Variants in SHROOM3 observed in about 807,000 individuals in gnomAD.
The protein encoded by SHROOM3 is shroom family member 3.
Under a neutral mutation model 138.6 loss-of-function variants are expected in SHROOM3, and 47 were observed. The ratio of observed to expected loss-of-function variants is 0.34; its 90% CI spans 0.27 to 0.43. The LOEUF is 0.43. Among genes scored for constraint, SHROOM3 ranks in the 20% least tolerant of loss-of-function variants. SHROOM3 has a pLI of 1.00. For synonymous variants in SHROOM3, 1,062 were observed against 1,063.3 expected (o/e 1.00, Z 0.02); for missense variants, 2,491 against 2,596.5 (o/e 0.96, Z 0.88).
At chr4:76,473,512 G>A (rs977603293) in intron 1 of SHROOM3, among the ~76,000 whole-genome samples, 4 of 152,048 alleles carry the variant, frequency 2.6e-5, no homozygotes, top group Non-Finnish European at 5.9e-5. Context: ...TGGAAGCTGA[G>A]GTGAGAGGAT....
rs35837765 is a variant in SHROOM3 at position 76,493,224 on chromosome 4, CAA to C, written c.168+57027_168+57028del. ...CAGCAACAGGAGTGAAACTCCATCT[CAA>C]AAAAAAAAAAAAAAAAAAAAAATGC... On this transcript the variant is annotated intron_variant, in intron 1 of 10. Coordinates refer to ENST00000296043, the MANE Select transcript of SHROOM3 (RefSeq NM_020859.4). 6.1e-3 allele frequency among the ~76,000 whole-genome samples: 344 copies of C among 56,482 alleles called. 2 individuals are homozygous for C. The highest frequency in any genetic ancestry group is 0.019 in the African/African-American group (323 of 17,246). The allele number at this position is 56,482 out of a possible 152,430, so 37.1% of individuals were successfully genotyped here. A position where few individuals can be genotyped will look rare whatever the true frequency, so the allele number is the denominator to read the frequency against.
intron 5 of SHROOM3, among the ~76,000 whole-genome samples, chr4:76,747,036 T>C (rs1275250533): frequency 6.6e-6 from 1 of 152,034 alleles, no homozygotes; most frequent in African/African-American, 2.4e-5. Context: ...GCCAGGATGA[T>C]CTCGATCTCC....
At chr4:76,483,681 GAC>G (rs1189791832) in intron 1 of SHROOM3, among the ~76,000 whole-genome samples, 3 of 152,070 alleles carry the variant, frequency 2.0e-5, no homozygotes, top group African/African-American at 7.2e-5. Flanking sequence ...ATTCTATAAA[GAC>G]ACACGCACAC....
intron 10 of SHROOM3, among the ~76,000 whole-genome samples, chr4:76,773,304 G>A (rs1007570618): frequency 6.7e-6 from 1 of 150,252 alleles, no homozygotes; most frequent in Non-Finnish European, 1.5e-5. Context: ...AACCCGGGAA[G>A]CGGAGGTTGC....
chr4:76,748,061 T>A (rs1219160712), intron 5 of SHROOM3, among the ~76,000 whole-genome samples: 1 of 152,206 alleles, frequency 6.6e-6, no homozygotes, highest in Non-Finnish European at 1.5e-5. Context: ...TAGCAGAGTG[T>A]CTGGCACACA....
intron 1 of SHROOM3, among the ~76,000 whole-genome samples, chr4:76,447,836 G>A (rs1479231044): frequency 6.6e-6 from 1 of 152,066 alleles, no homozygotes; most frequent in East Asian, 1.9e-4. Flanking sequence ...TCCCTTGAAA[G>A]CATTACTATC....
chr4:76,695,533 C>T (rs181473772), intron 2 of SHROOM3, among the ~76,000 whole-genome samples: 1 of 152,332 alleles, frequency 6.6e-6, no homozygotes, highest in Non-Finnish European at 1.5e-5. Flanking sequence ...CTCCCAGATT[C>T]TGGAGAACCT....
In SHROOM3 at chr4:76,555,659, G is replaced by T. The variant is rs1166450098; in HGVS notation, c.219G>T (p.Gly73=). The T allele has an allele frequency of 1.2e-6, 2 of 1,613,982 alleles. No individual in the cohort carries two copies. The highest frequency in any genetic ancestry group is 2.7e-5 in the African/African-American group (2 of 74,930). ...ADTLSSKLQA[G]DEVVHINEVT... ...CCCTGAGCTCCAAACTGCAGGCTGG[G>T]GATGAGGTTGTGCACATCAATGAGG... Residue 73 remains glycine, a synonymous_variant, in exon 2 of 11, where the codon GGG becomes GGT. Transcript: ENST00000296043.
intron 2 of SHROOM3, among the ~76,000 whole-genome samples, chr4:76,653,767 T>C (rs890900273): frequency 6.6e-6 from 1 of 152,022 alleles, no homozygotes; most frequent in East Asian, 1.9e-4. Context: ...GGTTTTTCCA[T>C]GTTGCACAGG....
chr4:76,596,592 A>ACACG (rs895903376), intron 2 of SHROOM3, among the ~76,000 whole-genome samples: 16 of 147,484 alleles, frequency 1.1e-4, no homozygotes, highest in Admixed American at 8.7e-4. Flanking sequence ...ACACACACAC[A>ACACG]CACACACACA....
At chr4:76,506,797 T>G (rs1209372779) in intron 1 of SHROOM3, among the ~76,000 whole-genome samples, 2 of 152,306 alleles carry the variant, frequency 1.3e-5, no homozygotes, top group African/African-American at 4.8e-5. Flanking sequence ...TTTATGGATC[T>G]TCTTCATTTT....
Position 76,665,577 on chromosome 4 carries a change from A to G in SHROOM3, c.324-44579A>G, listed in dbSNP as rs369238615. ...TTGGCTGCTTTTTGTCACATCTACAATAATTAAAATGGTGTTTTGTGATGT... is the reference window on the plus strand; with the variant it reads ...TTGGCTGCTTTTTGTCACATCTACAGTAATTAAAATGGTGTTTTGTGATGT... On this transcript the variant is annotated intron_variant, in intron 2 of 10. Coordinates refer to ENST00000296043, the MANE Select transcript of SHROOM3 (RefSeq NM_020859.4). Among the ~76,000 whole-genome samples, 7 of 152,304 alleles carry G rather than the reference A, an allele frequency of 4.6e-5. No individual in the cohort carries two copies. The East Asian group carries it at 5.8e-4, about 13-fold the overall frequency.
Position 76,479,180 on chromosome 4 carries a change from C to G in SHROOM3, c.168+42960C>G, listed in dbSNP as rs138149768. 3.8e-3 allele frequency among the ~76,000 whole-genome samples: 571 copies of G among 151,990 alleles called. 4 individuals are homozygous for G. Among genetic ancestry groups the G allele is most frequent in the African/African-American group, 0.013 (549 of 41,480 alleles). On this transcript the variant is annotated intron_variant, in intron 1 of 10. Coordinates refer to ENST00000296043, the MANE Select transcript of SHROOM3 (RefSeq NM_020859.4). ...TACAGAAGGTATGTAATAAACTCCT[C>G]TGAGCTAAAGGAGCATGTCCTAACC...
chr4:76,471,771 A>G (rs79988748), intron 1 of SHROOM3, among the ~76,000 whole-genome samples: 1 of 152,240 alleles, frequency 6.6e-6, no homozygotes, highest in Non-Finnish European at 1.5e-5. Flanking sequence ...CCAGGCTCTG[A>G]ACATCTGAAG....
chr4:76,775,750 TACAC>T (rs1051632280), intron 10 of SHROOM3, among the ~76,000 whole-genome samples: 28 of 151,308 alleles, frequency 1.9e-4, no homozygotes, highest in African/African-American at 6.3e-4. Context: ...ACTATATATA[TACAC>T]ACACCATATA....
chr4:76,481,910 A>G (rs903654084), intron 1 of SHROOM3, among the ~76,000 whole-genome samples: 2 of 152,194 alleles, frequency 1.3e-5, no homozygotes, highest in Non-Finnish European at 2.9e-5. Context: ...AAACCACATG[A>G]TTATTTCAAT....
intron 2 of SHROOM3, among the ~76,000 whole-genome samples, chr4:76,640,723 C>T (rs1735643306): frequency 6.6e-6 from 1 of 152,202 alleles, no homozygotes; most frequent in Admixed American, 6.5e-5. Context: ...GGAGATACAG[C>T]TGTGCAAGCC....
chr4:76,448,838 C>CA (rs750042034), intron 1 of SHROOM3, among the ~76,000 whole-genome samples: 21 of 152,156 alleles, frequency 1.4e-4, no homozygotes, highest in Non-Finnish European at 2.6e-4. Context: ...TATCTGTTTC[C>CA]AAAATCTGTG....
chr4:76,476,956 T>A (rs1731496409), intron 1 of SHROOM3, among the ~76,000 whole-genome samples: 3 of 152,146 alleles, frequency 2.0e-5, no homozygotes, highest in African/African-American at 7.2e-5. Context: ...ATATCTTAAC[T>A]AGTTCTTGTT....
Sources: gnomAD v4.1 joint callset for allele counts (sites outside exome capture counted in the v4.1 genomes callset) on GRCh38, gnomAD v4.1.1 for gene constraint, MANE v1.5 for transcripts, NCBI Gene and HGNC (gene_info 2026-07-23, HGNC 2026-07-21) for gene names.